Variants in TENM1 observed in about 807,000 individuals in gnomAD.
The protein encoded by TENM1 is teneurin transmembrane protein 1, also known as teneurin-1.
In TENM1, 35 loss-of-function variants were observed where a neutral mutation model predicts 174.8. The observed-to-expected ratio is 0.20, with a 90% CI of 0.15 to 0.27. TENM1 has a LOEUF of 0.27. Among genes scored for constraint, TENM1 ranks in the 10% least tolerant of loss-of-function variants. The probability of loss-of-function intolerance (pLI) is 1.00; values close to 1 mark genes in which losing one functional copy is unlikely to be tolerated. For synonymous variants in TENM1, 781 were observed against 798.7 expected, an observed-to-expected ratio of 0.98 and a Z score of 0.37; for missense variants, 1,633 against 2,130.1, an observed-to-expected ratio of 0.77 and a Z score of 4.59.
chrX:124,782,743 G>A (rs931097016), intron 3 of TENM1, among the ~76,000 whole-genome samples: 2 of 110,620 alleles, frequency 1.8e-5, no homozygotes, highest in African/African-American at 6.6e-5. Flanking sequence ...AAGCTAGATT[G>A]TCATCACCTT....
At position 124,434,645 on chromosome X, in the gene TENM1, A is replaced by G. The variant is rs146075870; in HGVS notation, c.4105-12007T>C. 6.7e-3 allele frequency among the ~76,000 whole-genome samples: 760 copies of G among 112,641 alleles called. 3 individuals carry two copies. The highest frequency in any genetic ancestry group is 0.023 in the African/African-American group (712 of 31,076). Reference sequence around the variant, plus strand: ...GAAATGGCACTTGTGAATACACAGAATGTTTAACCACTTCCAGTTTTCAAT... The same window carrying G: ...GAAATGGCACTTGTGAATACACAGAGTGTTTAACCACTTCCAGTTTTCAAT... On this transcript the variant is annotated intron_variant, in intron 23 of 31. Transcript: ENST00000422452.
chrX:125,107,828 A>C, the TENM1 span, among the ~76,000 whole-genome samples: 1 of 111,885 alleles, frequency 8.9e-6, no homozygotes, highest in Admixed American at 9.5e-5. Flanking sequence ...CAGAGAAAGA[A>C]GTACTCCATC....
At chrX:124,686,041 T>C (rs894707225) in intron 5 of TENM1, among the ~76,000 whole-genome samples, 1 of 111,831 alleles carries the variant, frequency 8.9e-6, no homozygotes, top group Non-Finnish European at 1.9e-5. Context: ...AAGAGATATA[T>C]ACTGAGATAT....
At chrX:124,650,793 TAACA>T (rs1415964489) in intron 8 of TENM1, among the ~76,000 whole-genome samples, 8 of 112,063 alleles carry the variant, frequency 7.1e-5, no homozygotes, top group African/African-American at 2.6e-4. Flanking sequence ...TTTTCTATTT[TAACA>T]AACAAATATT....
At chrX:124,433,798 T>C (rs1371717505) in intron 23 of TENM1, among the ~76,000 whole-genome samples, 1 of 112,030 alleles carries the variant, frequency 8.9e-6, no homozygotes, top group African/African-American at 3.2e-5. Context: ...CATAAATACC[T>C]CAATTTTAAG....
intron 19 of TENM1, among the ~76,000 whole-genome samples, chrX:124,499,083 C>T (rs1301023604): frequency 9.0e-6 from 1 of 111,636 alleles, no homozygotes; most frequent in Non-Finnish European, 1.9e-5. Context: ...AAGGCATGCC[C>T]ATGTGTCAGA....
intron 3 of TENM1, among the ~76,000 whole-genome samples, chrX:124,779,050 G>C (rs1433181942): frequency 1.8e-5 from 2 of 111,593 alleles, no homozygotes; most frequent in Non-Finnish European, 3.8e-5. Context: ...ACTAGGGATC[G>C]TAGAGGATAA....
chrX:124,574,991 A>G (rs930431976), intron 11 of TENM1, among the ~76,000 whole-genome samples: 1 of 112,309 alleles, frequency 8.9e-6, no homozygotes, highest in Admixed American at 9.4e-5. Flanking sequence ...TAGGACTACT[A>G]TAAGTCACTG....
chrX:125,173,135 T>C, the TENM1 span, among the ~76,000 whole-genome samples: 1 of 111,738 alleles, frequency 8.9e-6, no homozygotes, highest in Admixed American at 9.5e-5. Flanking sequence ...CTTTAAGTAA[T>C]TCAATAATAT....
intron 11 of TENM1, among the ~76,000 whole-genome samples, chrX:124,625,758 C>G (rs1467303822): frequency 3.6e-5 from 4 of 110,477 alleles, no homozygotes; most frequent in African/African-American, 1.3e-4. Flanking sequence ...ACAAGCAGAT[C>G]TCATGAGAAC....
the TENM1 span, among the ~76,000 whole-genome samples, chrX:124,982,917 G>C: frequency 8.9e-6 from 1 of 111,967 alleles, no homozygotes; most frequent in Admixed American, 9.5e-5. Flanking sequence ...GAAATCTTTT[G>C]AGTCCAGAGT....
At chrX:124,396,366 G>A (rs368972362) in intron 27 of TENM1, among the ~76,000 whole-genome samples, 180 of 102,297 alleles carry the variant, frequency 1.8e-3, no homozygotes, top group African/African-American at 6.2e-3. Flanking sequence ...GCAATGGCAC[G>A]ATCTTGGCTC....
intron 11 of TENM1, among the ~76,000 whole-genome samples, chrX:124,569,581 T>A (rs2049013343): frequency 8.9e-6 from 1 of 112,269 alleles, no homozygotes; most frequent in Admixed American, 9.5e-5. Flanking sequence ...AGTATGAAAT[T>A]AAATTTGAAA....
At chrX:124,733,953 G>A (rs759093979) in intron 4 of TENM1, among the ~76,000 whole-genome samples, 1 of 111,861 alleles carries the variant, frequency 8.9e-6, no homozygotes, top group East Asian at 2.8e-4. Flanking sequence ...AAAGGAGTGT[G>A]TTTGCTTGTC....
chrX:124,642,258 G>A (rs1393603771), intron 10 of TENM1, among the ~76,000 whole-genome samples: 4 of 112,312 alleles, frequency 3.6e-5, no homozygotes. Context: ...ACTGTGAACA[G>A]TGTGCAGTAC....
intron 3 of TENM1, among the ~76,000 whole-genome samples, chrX:124,849,272 CCCTTT>C (rs1294135156): frequency 3.6e-5 from 4 of 111,317 alleles, no homozygotes; most frequent in Non-Finnish European, 5.7e-5. Context: ...ATAATCCCCT[CCCTTT>C]TAGTTTGAGT....
chrX:124,748,710 G>C (rs189580884), intron 3 of TENM1, among the ~76,000 whole-genome samples: 288 of 111,767 alleles, frequency 2.6e-3, no homozygotes, highest in Non-Finnish European at 4.9e-3. Context: ...TAACATTTTC[G>C]AATGACACAA....
At chrX:124,689,336 AGC>A (rs1317532705) in intron 5 of TENM1, among the ~76,000 whole-genome samples, 11 of 112,396 alleles carry the variant, frequency 9.8e-5, no homozygotes, top group African/African-American at 3.2e-4. Flanking sequence ...ATTGGTATTC[AGC>A]GTATTGTATA....
chrX:124,491,107 A>G (rs189604976), intron 20 of TENM1, among the ~76,000 whole-genome samples: 2 of 112,263 alleles, frequency 1.8e-5, no homozygotes, highest in Admixed American at 1.9e-4. Context: ...ACTGTTTTAG[A>G]TGCTACCATT....
Sources: gnomAD v4.1 joint callset for allele counts (sites outside exome capture counted in the v4.1 genomes callset) on GRCh38, gnomAD v4.1.1 for gene constraint, MANE v1.5 for transcripts, NCBI Gene and HGNC (gene_info 2026-07-23, HGNC 2026-07-21) for gene names.